AMMECR1: variants seen among roughly 807,000 people sequenced by gnomAD.
AMMECR1 encodes the protein AMMECR nuclear protein 1, also known as nuclear protein AMMECR1.
Under a neutral mutation model 22.5 loss-of-function variants are expected in AMMECR1, and 3 were observed. That is an observed-to-expected ratio of 0.13 (90% confidence interval 0.06 to 0.35). The LOEUF is 0.35. Among genes scored for constraint, AMMECR1 ranks in the 10% least tolerant of loss-of-function variants. AMMECR1 has a pLI of 1.00. For missense variants in AMMECR1, 235 were observed against 278.7 expected, an observed-to-expected ratio of 0.84 and a Z score of 1.12; for synonymous variants, 130 against 116.7, an observed-to-expected ratio of 1.11 and a Z score of -0.74.
chrX:110,219,404 T>A, intron 2 of AMMECR1: 2 of 753,160 alleles, frequency 2.7e-6, no homozygotes, highest in Non-Finnish European at 3.1e-6. Context: ...CATGCTGAAG[T>A]CGCTATACAG....
intron 2 of AMMECR1, among the ~76,000 whole-genome samples, chrX:110,245,983 C>T (rs1451219852): frequency 8.9e-6 from 1 of 112,141 alleles, no homozygotes; most frequent in Admixed American, 9.5e-5. Context: ...TAATAAGCAG[C>T]CCTCATGGCA....
At chrX:110,266,141 T>C (rs1484881210) in intron 1 of AMMECR1, among the ~76,000 whole-genome samples, 1 of 108,118 alleles carries the variant, frequency 9.2e-6, no homozygotes, top group Non-Finnish European at 1.9e-5. Flanking sequence ...CTATATCATA[T>C]GCAATAAACC....
intron 3 of AMMECR1, among the ~76,000 whole-genome samples, chrX:110,203,492 GATAATA>G (rs1053542320): frequency 4.5e-5 from 5 of 111,459 alleles, no homozygotes; most frequent in African/African-American, 1.6e-4. Context: ...TGTGAACATT[GATAATA>G]AAAACGAAAT....
At chrX:110,437,088 C>G (rs1166709104) in intron 1 of AMMECR1, among the ~76,000 whole-genome samples, 1 of 111,680 alleles carries the variant, frequency 9.0e-6, no homozygotes, top group Non-Finnish European at 1.9e-5. Context: ...GTGAATCCAC[C>G]TATTTAGTTA....
intron 1 of AMMECR1, among the ~76,000 whole-genome samples, chrX:110,281,812 G>C (rs2067854154): frequency 8.9e-6 from 1 of 112,145 alleles, no homozygotes; most frequent in Admixed American, 9.4e-5. Context: ...AAATTTAAAA[G>C]TGCTTTATTT....
intron 2 of AMMECR1, among the ~76,000 whole-genome samples, chrX:110,355,247 T>A (rs1343783656): frequency 8.9e-6 from 1 of 111,865 alleles, no homozygotes; most frequent in Non-Finnish European, 1.9e-5. Flanking sequence ...CAATTATTTT[T>A]TAATTAGCAG....
chrX:110,426,303 T>G (rs997785300), intron 2 of AMMECR1, among the ~76,000 whole-genome samples: 2 of 111,790 alleles, frequency 1.8e-5, no homozygotes, highest in African/African-American at 6.5e-5. Context: ...GTCTCTATCT[T>G]GTCGAACCCT....
chrX:110,439,366 G>A (rs2068863107), intron 1 of AMMECR1, among the ~76,000 whole-genome samples: 1 of 112,346 alleles, frequency 8.9e-6, no homozygotes, highest in Non-Finnish European at 1.9e-5. Context: ...CATTGTGGCA[G>A]CATTTCTAAC....
At chrX:110,302,940 A>AAATTTGGGGTGGGAGAGATTG (rs2067975687) in intron 1 of AMMECR1, among the ~76,000 whole-genome samples, 1 of 111,642 alleles carries the variant, frequency 9.0e-6, no homozygotes, top group Non-Finnish European at 1.9e-5. Flanking sequence ...TGATTTTCCT[A>AAATTTGGGGTGGGAGAGATTG]AATTTATACT....
Position 110,346,687 on chromosome X carries a change from TGA to T in AMMECR1, c.-147-28840_-147-28839del, listed in dbSNP as rs770223771. 4.6e-4 allele frequency: 315 copies of T among 677,817 alleles called. No homozygotes were observed. In the African/African-American group the frequency reaches 6.3e-3, roughly 13 times the overall value. 55.9% of individuals were successfully genotyped at this position (677,817 alleles called of 1,213,427 possible). ...CATAAGAAGTGGTTTGGGAAACCTT[TGA>T]AAGATTCATTGTACTACAAAAAGGA... On this transcript the variant is annotated intron_variant, in intron 2 of 7. Coordinates refer to the AMMECR1 transcript ENST00000372057.
intron 2 of AMMECR1, among the ~76,000 whole-genome samples, chrX:110,252,075 TA>T (rs757826506): frequency 1.5e-4 from 17 of 111,563 alleles, no homozygotes; most frequent in African/African-American, 5.5e-4. Flanking sequence ...CATATACATA[TA>T]TATCCTAATC....
At chrX:110,300,852 T>C (rs1456879643) in intron 1 of AMMECR1, among the ~76,000 whole-genome samples, 2 of 111,855 alleles carry the variant, frequency 1.8e-5, no homozygotes, top group African/African-American at 3.2e-5. Context: ...AGATAAATGC[T>C]TCTTTCTTTC....
chrX:110,259,753 G>A (rs1448898171), intron 2 of AMMECR1, among the ~76,000 whole-genome samples: 3 of 108,899 alleles, frequency 2.8e-5, no homozygotes, highest in Non-Finnish European at 5.7e-5. Flanking sequence ...CACCACGCCC[G>A]GCTAATTTTT....
At chrX:110,343,475 G>T (rs1163352892) in intron 2 of AMMECR1, among the ~76,000 whole-genome samples, 1 of 111,223 alleles carries the variant, frequency 9.0e-6, no homozygotes, top group Non-Finnish European at 1.9e-5. Flanking sequence ...TCAACACAGT[G>T]TTGGAAGTTC....
In AMMECR1 at chrX:110,317,643, A is replaced by G. The variant is rs765498367; in HGVS notation, c.429T>C (p.Tyr143=). Residue 143 remains tyrosine (Y), a synonymous_variant, in exon 1 of 6, where the codon TAT becomes TAC. Coordinates refer to ENST00000262844, the MANE Select transcript of AMMECR1 (RefSeq NM_015365.3). Reference sequence around the variant, plus strand: ...GGGGGGTCCGGGGCTGCTGGTATCCATACAGGTGACAGTAGAGCACATCGA... The same window carrying G: ...GGGGGGTCCGGGGCTGCTGGTATCCGTACAGGTGACAGTAGAGCACATCGA... ...FCFDVLYCHL[Y]GYQQPRTPRF... 58 of 1,206,034 alleles carry G rather than the reference A, an allele frequency of 4.8e-5. No individual in the cohort carries two copies. Among genetic ancestry groups the G allele is most frequent in the Non-Finnish European group, 1.1e-6 (1 of 893,080 alleles).
At chrX:110,408,586 A>G (rs1198392325) in intron 2 of AMMECR1, among the ~76,000 whole-genome samples, 3 of 112,501 alleles carry the variant, frequency 2.7e-5, no homozygotes, top group Non-Finnish European at 5.6e-5. Flanking sequence ...CACAGTTTTA[A>G]TCAACTATTC....
intron 2 of AMMECR1, among the ~76,000 whole-genome samples, chrX:110,405,275 G>A (rs917163289): frequency 9.0e-6 from 1 of 111,690 alleles, no homozygotes; most frequent in African/African-American, 3.3e-5. Flanking sequence ...ATTGCAAAGG[G>A]AGCTTGTAAA....
intron 1 of AMMECR1, among the ~76,000 whole-genome samples, chrX:110,427,173 A>G (rs1405441249): frequency 8.9e-6 from 1 of 111,763 alleles, no homozygotes; most frequent in African/African-American, 3.3e-5. Context: ...TGATTCCTAC[A>G]ATACCTTCTG....
chrX:110,375,155 A>G (rs2068367635), intron 2 of AMMECR1, among the ~76,000 whole-genome samples: 2 of 111,726 alleles, frequency 1.8e-5, no homozygotes, highest in Admixed American at 9.6e-5. Flanking sequence ...ATTAAATGTA[A>G]TAAAACTGGA....
Sources: allele counts gnomAD v4.1 joint callset (sites outside exome capture counted in the v4.1 genomes callset), GRCh38; gene constraint gnomAD v4.1.1; transcripts MANE v1.5; gene names NCBI Gene and HGNC (gene_info 2026-07-23, HGNC 2026-07-21).